SLC30A6: variants seen among roughly 807,000 people sequenced by gnomAD.
SLC30A6 encodes zinc transporter 6.
A neutral mutation model predicts 63.0 loss-of-function variants in SLC30A6; 55 were observed. That is an observed-to-expected ratio of 0.87 (90% confidence interval 0.70 to 1.09). The LOEUF is 1.09. Ranked by LOEUF, SLC30A6 falls within the 50% of genes least tolerant of loss-of-function variation. The pLI is 0.00. For synonymous variants in SLC30A6, 224 were observed against 186.1 expected (o/e 1.20, Z -1.66); for missense variants, 587 against 549.2 (o/e 1.07, Z -0.69).
chr2:32,180,370 A>G (rs568628901), intron 4 of SLC30A6, among the ~76,000 whole-genome samples: 1 of 151,792 alleles, frequency 6.6e-6, no homozygotes, highest in Non-Finnish European at 1.5e-5. Context: ...CACCACTGTA[A>G]TCCAGTCTTG....
At chr2:32,203,333 A>T in intron 10 of SLC30A6, 1 of 918,618 alleles carries the variant, frequency 1.1e-6, no homozygotes, top group Non-Finnish European at 1.8e-6. Context: ...AATTACTTTT[A>T]AATGTGTAGG....
intron 4 of SLC30A6, among the ~76,000 whole-genome samples, chr2:32,183,159 C>T (rs920927547): frequency 6.6e-6 from 1 of 151,838 alleles, no homozygotes; most frequent in Non-Finnish European, 1.5e-5. Flanking sequence ...TGCACTCCAG[C>T]CTGGGCGATA....
chr2:32,219,561 A>G (rs1182444481), intron 13 of SLC30A6, among the ~76,000 whole-genome samples: 3 of 151,880 alleles, frequency 2.0e-5, no homozygotes, highest in South Asian at 2.1e-4. Flanking sequence ...CGGTCTGCCA[A>G]GTAGCTGGGA....
intron 13 of SLC30A6, among the ~76,000 whole-genome samples, chr2:32,213,830 G>T (rs1362738885): frequency 1.6e-5 from 2 of 121,600 alleles, no homozygotes; most frequent in African/African-American, 3.3e-5. Context: ...TTGAGACGGA[G>T]TCTCACACTG....
intron 13 of SLC30A6, among the ~76,000 whole-genome samples, chr2:32,213,006 G>A (rs212691): frequency 0.75 from 112,348 of 150,438 alleles, 42,124 homozygotes; most frequent in African/African-American, 0.8. Flanking sequence ...TCTGGGCTCA[G>A]ATGATCCTCC....
chr2:32,219,503 T>G (rs1051414896), intron 13 of SLC30A6, among the ~76,000 whole-genome samples: 6 of 150,702 alleles, frequency 4.0e-5, no homozygotes, highest in African/African-American at 1.5e-4. Flanking sequence ...GGTGCGATCT[T>G]GGCTCACTGC....
intron 6 of SLC30A6, 84 bp downstream of exon 6, chr2:32,192,500 C>A: frequency 8.1e-7 from 1 of 1,227,088 alleles, no homozygotes; most frequent in Non-Finnish European, 1.2e-6. Context: ...CATTTGCTTT[C>A]AAGGGTATGA....
intron 13 of SLC30A6, among the ~76,000 whole-genome samples, chr2:32,216,490 T>C (rs1685713547): frequency 6.6e-6 from 1 of 151,640 alleles, no homozygotes; most frequent in Non-Finnish European, 1.5e-5. Context: ...GAGCTGACAT[T>C]GCGCCACTGC....
At chr2:32,196,554 TTTAGATTGTC>T (rs1683808024) in intron 8 of SLC30A6, among the ~76,000 whole-genome samples, 1 of 152,094 alleles carries the variant, frequency 6.6e-6, no homozygotes, top group Non-Finnish European at 1.5e-5. Flanking sequence ...TGTTTCACAT[TTTAGATTGTC>T]TTAGATTTCG....
rs1343646082 is a variant in SLC30A6, at chr2:32,223,044, C to G, written c.*2331C>G. The stretch of plus-strand genomic sequence containing the variant: ...TTCACTATTTGAGAAAGGACACTCA[C>G]AGTTGCCTGTGGGTTATGAAAGAAT... On this transcript the variant is annotated 3_prime_UTR_variant, in exon 14 of 14. Transcript: ENST00000282587. 1 of 152,226 alleles carries G rather than the reference C, an allele frequency of 6.6e-6. No homozygotes were observed. Among genetic ancestry groups the G allele is most frequent in the African/African-American group, 2.4e-5 (1 of 41,454 alleles). 9.4% of individuals were successfully genotyped at this position (152,226 alleles called of 1,614,324 possible).
chr2:32,175,609 G>A (rs1376629420), intron 4 of SLC30A6, among the ~76,000 whole-genome samples: 1 of 149,976 alleles, frequency 6.7e-6, no homozygotes, highest in African/African-American at 2.4e-5. Flanking sequence ...TTTGCTTAAA[G>A]GAAAGTAATC....
At chr2:32,169,495 T>G (rs1257152853) in intron 1 of SLC30A6, among the ~76,000 whole-genome samples, 1 of 152,184 alleles carries the variant, frequency 6.6e-6, no homozygotes, top group Non-Finnish European at 1.5e-5. Context: ...GATATATTTA[T>G]TGGCTGGGTG....
At chr2:32,171,823 G>A (rs995593224) in intron 2 of SLC30A6, among the ~76,000 whole-genome samples, 2 of 152,004 alleles carry the variant, frequency 1.3e-5, no homozygotes, top group Non-Finnish European at 2.9e-5. Context: ...CTCCCAAGTA[G>A]CTGGGATTAC....
chr2:32,175,399 A>G, intron 4 of SLC30A6, 38 bp downstream of exon 4: 1 of 1,581,680 alleles, frequency 6.3e-7, no homozygotes. Context: ...TGGAGCTAAT[A>G]AGGAACTTGG....
At position 32,198,300 on chromosome 2, in the gene SLC30A6, T is replaced by C. The variant is rs932120095; in HGVS notation, c.665+474T>C. 3.3e-5 allele frequency among the ~76,000 whole-genome samples: 5 copies of C among 152,374 alleles called. No individual in the cohort carries two copies. The South Asian group carries it at 1.0e-3, about 32-fold the overall frequency. On this transcript the variant is annotated intron_variant, in intron 10 of 13. Transcript: ENST00000282587. ...TAGAATTTGTCCTTATTGTTCTTGC[T>C]GTTTTATGTATTTTCCTTAAAAATC...
At chr2:32,202,335 G>A (rs879679697) in intron 10 of SLC30A6, 10 of 341,512 alleles carry the variant, frequency 2.9e-5, no homozygotes, top group African/African-American at 1.8e-4. Context: ...ACAGTTTTTT[G>A]TTTGTTTGTT....
At chr2:32,213,588 G>A (rs1377944446) in intron 13 of SLC30A6, among the ~76,000 whole-genome samples, 1 of 151,890 alleles carries the variant, frequency 6.6e-6, no homozygotes, top group Non-Finnish European at 1.5e-5. Context: ...TTTTCATAAG[G>A]GTACTAGGTT....
In SLC30A6 at chr2:32,220,843, A is replaced by G; in HGVS notation, c.*130A>G. 5.1e-6 allele frequency: 4 copies of G among 788,292 alleles called. No homozygotes were observed. Among genetic ancestry groups the G allele is most frequent in the Non-Finnish European group, 7.7e-6 (4 of 516,344 alleles). The allele number at this position is 788,292 out of a possible 1,614,324, so 48.8% of individuals were successfully genotyped here. ...ATAATAGTAGTCTTGTTCACATTTC[A>G]TGAAACCTATGAAACTATATTTTTG... On this transcript the variant is annotated 3_prime_UTR_variant, in exon 14 of 14. Coordinates refer to ENST00000282587, the MANE Select transcript of SLC30A6 (RefSeq NM_017964.5).
chr2:32,198,136 G>C (rs1272536568), intron 10 of SLC30A6, among the ~76,000 whole-genome samples: 1 of 152,158 alleles, frequency 6.6e-6, no homozygotes, highest in Non-Finnish European at 1.5e-5. Context: ...GCCGAGAGAG[G>C]GAGGAGAAGA....
Sources: allele counts gnomAD v4.1 joint callset (sites outside exome capture counted in the v4.1 genomes callset), GRCh38; gene constraint gnomAD v4.1.1; transcripts MANE v1.5; gene names NCBI Gene and HGNC (gene_info 2026-07-23, HGNC 2026-07-21).